The following MGST2 variants were observed in gnomAD, a reference collection of about 807,000 sequenced individuals.
MGST2 encodes the protein microsomal glutathione S-transferase 2.
MGST2 carries 9 observed loss-of-function variants against 16.6 expected under a neutral mutation model. That is an observed-to-expected ratio of 0.54 (90% confidence interval 0.33 to 0.95). The LOEUF (loss-of-function observed/expected upper bound fraction) is 0.95, where lower values mean the gene tolerates loss of function less well. Among genes scored for constraint, MGST2 ranks in the 40% least tolerant of loss-of-function variants. MGST2 has a pLI of 0.03. For synonymous variants in MGST2, 79 were observed against 68.0 expected (o/e 1.16, Z -0.79); for missense variants, 159 against 175.1 (o/e 0.91, Z 0.52).
intron 2 of MGST2, among the ~76,000 whole-genome samples, chr4:139,692,344 C>T (rs1726659740): frequency 6.6e-6 from 1 of 152,240 alleles, no homozygotes; most frequent in African/African-American, 2.4e-5. Flanking sequence ...CCCGGTTCCC[C>T]ATCTTCCCAA....
intron 3 of MGST2, among the ~76,000 whole-genome samples, chr4:139,695,739 A>C (rs768685720): frequency 3.3e-5 from 5 of 152,242 alleles, no homozygotes; most frequent in Admixed American, 6.5e-5. Flanking sequence ...CTTTGGCTTC[A>C]TTCTAATTTA....
intron 5 of MGST2, chr4:139,725,923 T>C: frequency 9.1e-7 from 1 of 1,094,234 alleles, no homozygotes; most frequent in Non-Finnish European, 1.4e-6. Flanking sequence ...AGGAAGGTAG[T>C]GTTTTCCCCA....
At chr4:139,670,261 G>GGA (rs1553944226) in intron 1 of MGST2, among the ~76,000 whole-genome samples, 1 of 124,366 alleles carries the variant, frequency 8.0e-6, no homozygotes, top group Non-Finnish European at 1.6e-5. Flanking sequence ...TGGGGGGCGG[G>GGA]GGGGGGGCGG....
At chr4:139,722,872 AAC>A (rs1728292883) in intron 5 of MGST2, among the ~76,000 whole-genome samples, 1 of 152,218 alleles carries the variant, frequency 6.6e-6, no homozygotes, top group Admixed American at 6.5e-5. Context: ...GGTGTCTGTA[AAC>A]ACATGAAAAT....
At chr4:139,747,859 G>A in the MGST2 span, among the ~76,000 whole-genome samples, 1 of 151,814 alleles carries the variant, frequency 6.6e-6, no homozygotes, top group African/African-American at 2.4e-5. Flanking sequence ...TTCGACACAA[G>A]CCTGATCGAT....
At chr4:139,726,314 C>A (rs2110974644) in intron 5 of MGST2, among the ~76,000 whole-genome samples, 1 of 152,300 alleles carries the variant, frequency 6.6e-6, no homozygotes, top group South Asian at 2.1e-4. Flanking sequence ...TATGAATATA[C>A]CATAATTTAT....
At chr4:139,725,188 G>A (rs577903826) in intron 5 of MGST2, among the ~76,000 whole-genome samples, 183 of 152,224 alleles carry the variant, frequency 1.2e-3, no homozygotes, top group African/African-American at 4.3e-3. Flanking sequence ...TCCCGCAAAC[G>A]GCTACAGGAT....
At chr4:139,736,923 A>ACAAAATTTT (rs1475342675) in intron 5 of MGST2, among the ~76,000 whole-genome samples, 1 of 152,202 alleles carries the variant, frequency 6.6e-6, no homozygotes, top group Non-Finnish European at 1.5e-5. Context: ...CTGCTTTGGA[A>ACAAAATTTT]CAAAATTTTC....
chr4:139,666,172 G>T, intron 1 of MGST2, 95 bp downstream of exon 1: 1 of 1,321,142 alleles, frequency 7.6e-7, no homozygotes, highest in Non-Finnish European at 1.1e-6. Flanking sequence ...GAGGGAGATG[G>T]GTCCGGTGTT....
intron 2 of MGST2, among the ~76,000 whole-genome samples, chr4:139,688,173 C>A (rs901608720): frequency 1.3e-5 from 2 of 152,202 alleles, no homozygotes; most frequent in Non-Finnish European, 1.5e-5. Context: ...TATTAAGCAT[C>A]TTTCATCTTC....
the MGST2 span, among the ~76,000 whole-genome samples, chr4:139,746,884 G>A: frequency 6.6e-6 from 1 of 152,200 alleles, no homozygotes; most frequent in Non-Finnish European, 1.5e-5. Flanking sequence ...AGCCTAGGGA[G>A]AATCGGGTGG....
intron 5 of MGST2, chr4:139,730,399 G>A (rs1240106348): frequency 7.1e-6 from 11 of 1,545,946 alleles, no homozygotes; most frequent in Non-Finnish European, 8.7e-6. Context: ...AATGAATCAC[G>A]CCAAGGGGCA....
chr4:139,671,613 C>T (rs994682003), intron 1 of MGST2, among the ~76,000 whole-genome samples: 4 of 151,744 alleles, frequency 2.6e-5, no homozygotes, highest in African/African-American at 4.8e-5. Flanking sequence ...ACTACAGGTG[C>T]GCCACCATGC....
intron 5 of MGST2, among the ~76,000 whole-genome samples, chr4:139,737,109 C>T (rs914035245): frequency 2.0e-5 from 3 of 152,094 alleles, no homozygotes; most frequent in Admixed American, 6.6e-5. Context: ...CCCTATAATG[C>T]CCTTGCTAAG....
chr4:139,678,945 C>T, intron 2 of MGST2: 1 of 470,356 alleles, frequency 2.1e-6, no homozygotes, highest in Non-Finnish European at 3.8e-6. Flanking sequence ...CCCCTGGAGC[C>T]TTGTGAGACC....
At chr4:139,729,844 T>C (rs1057398207) in intron 5 of MGST2, among the ~76,000 whole-genome samples, 1 of 152,236 alleles carries the variant, frequency 6.6e-6, no homozygotes, top group Non-Finnish European at 1.5e-5. Context: ...TTTCCTGAGC[T>C]GTTTTAAAAG....
At chr4:139,753,872 G>A in the MGST2 span, among the ~76,000 whole-genome samples, 3 of 152,246 alleles carry the variant, frequency 2.0e-5, no homozygotes, top group Admixed American at 1.3e-4. Flanking sequence ...ACATCAGAAG[G>A]GAGACAAATG....
At chr4:139,675,236 T>C (rs1730900179) in intron 1 of MGST2, among the ~76,000 whole-genome samples, 2 of 152,234 alleles carry the variant, frequency 1.3e-5, no homozygotes, top group Non-Finnish European at 2.9e-5. Flanking sequence ...TTGAAGGAAC[T>C]CAAGAGTTTT....
At chr4:139,673,007 AT>A (rs1236644935) in intron 1 of MGST2, among the ~76,000 whole-genome samples, 5 of 152,228 alleles carry the variant, frequency 3.3e-5, no homozygotes, top group Non-Finnish European at 5.9e-5. Context: ...GGGGGAGATC[AT>A]ATCCTGTTCC....
Sources: allele counts gnomAD v4.1 joint callset (sites outside exome capture counted in the v4.1 genomes callset), GRCh38; gene constraint gnomAD v4.1.1; transcripts MANE v1.5; gene names NCBI Gene and HGNC (gene_info 2026-07-23, HGNC 2026-07-21).